GLT8D1: variants seen among roughly 807,000 people sequenced by gnomAD.
The protein encoded by GLT8D1 is glycosyltransferase 8 domain-containing protein 1.
A neutral mutation model predicts 46.2 loss-of-function variants in GLT8D1; 41 were observed. The ratio of observed to expected loss-of-function variants is 0.89; its 90% CI spans 0.69 to 1.15. The LOEUF is 1.15. GLT8D1 is among the 50% of genes most tolerant of loss of function. The pLI is 0.00. For missense variants in GLT8D1, 408 were observed against 449.3 expected (o/e 0.91, Z 0.83); for synonymous variants, 150 against 154.2 (o/e 0.97, Z 0.20).
chr3:52,694,922 C>T lies in GLT8D1; in HGVS notation c.1039G>A (p.Glu347Lys). The change falls in exon 10 of 10, where the codon GAA becomes AAA. Residue 347 changes from glutamate (E) to lysine (K), a missense_variant. Transcript: ENST00000266014. ...GTTGGGTCTGGAATATACCATTTTTCCCAAACATCAGTATATGAAGCAGTC... is the reference window on the plus strand; with the variant it reads ...GTTGGGTCTGGAATATACCATTTTTTCCAAACATCAGTATATGAAGCAGTC... ...GRTASYTDVW[E>K]KWYIPDPTGK... 1 of 1,610,582 alleles carries T rather than the reference C, an allele frequency of 6.2e-7. No homozygotes were observed. The highest frequency in any genetic ancestry group is 1.1e-5 in the South Asian group (1 of 91,014).
Position 52,694,761 on chromosome 3 carries a change from T to C in GLT8D1, c.*84A>G. 2.1e-6 allele frequency: 2 copies of C among 950,674 alleles called. No individual in the cohort carries two copies. Among genetic ancestry groups the C allele is most frequent in the Non-Finnish European group, 3.4e-6 (2 of 584,630 alleles). The allele number at this position is 950,674 out of a possible 1,614,324, so 58.9% of individuals were successfully genotyped here. On this transcript the variant is annotated 3_prime_UTR_variant, in exon 10 of 10. Transcript: ENST00000266014. Reference sequence around the variant, plus strand: ...TTCCATGGCTTGCTACCGATAGGCATTGAAGCCTAGCAACTGTTACTTCCC... The same window carrying C: ...TTCCATGGCTTGCTACCGATAGGCACTGAAGCCTAGCAACTGTTACTTCCC...
At chr3:52,695,631 A>AATAG (rs767512388) in intron 7 of GLT8D1, 44 bp from the exon 8 acceptor site, 21 of 1,139,312 alleles carry the variant, frequency 1.8e-5, no homozygotes, top group South Asian at 1.4e-4. Context: ...CTTCAAACAA[A>AATAG]ATAGATACAA....
chr3:52,695,606 T>C lies in GLT8D1; in HGVS notation c.646-19A>G. The C allele has an allele frequency of 6.9e-7, 1 of 1,442,870 alleles. No individual in the cohort carries two copies. Among genetic ancestry groups the C allele is most frequent in the South Asian group, 1.2e-5 (1 of 86,412 alleles). The allele number at this position is 1,442,870 out of a possible 1,614,324, so 89.4% of individuals were successfully genotyped here. A position where few individuals can be genotyped will look rare whatever the true frequency, so the allele number is the denominator to read the frequency against. ...AATTGTACTAAAAACACAAATAGGA[T>C]ATATGTACTTACTGCTTCAAACAAA... On this transcript the variant is annotated intron_variant, in intron 7 of 9. Coordinates refer to ENST00000266014, the MANE Select transcript of GLT8D1 (RefSeq NM_018446.4).
chr3:52,705,189 A>G (rs1578597780), intron 1 of GLT8D1: 1 of 151,994 alleles, frequency 6.6e-6, no homozygotes, highest in Non-Finnish European at 1.5e-5. Context: ...ATTTAGAGAT[A>G]CACCAGCCTT....
At chr3:52,696,186 G>A (rs2097333271) in intron 6 of GLT8D1, 48 bp downstream of exon 6, 1 of 1,316,530 alleles carries the variant, frequency 7.6e-7, no homozygotes. Context: ...TTTAGCAATT[G>A]TACCCAATCT....
At position 52,694,558 on chromosome 3, in the gene GLT8D1, A is replaced by AATT. The variant is rs2097330862; in HGVS notation, c.*284_*286dup. ...AAAATTAAAACCAACAGCAGTTTTG[A>AATT]ATTATCTGTACCAGCTAGCTGAACT... is the stretch of plus-strand genomic sequence containing the variant. On this transcript the variant is annotated 3_prime_UTR_variant, in exon 10 of 10. Coordinates refer to ENST00000266014, the MANE Select transcript of GLT8D1 (RefSeq NM_018446.4). 1.7e-6 allele frequency: 1 copy of AATT among 583,896 alleles called. No homozygotes were observed. The highest frequency in any genetic ancestry group is 1.9e-5 in the African/African-American group (1 of 53,636). The allele number at this position is 583,896 out of a possible 1,614,324, so 36.2% of individuals were successfully genotyped here. A position where few individuals can be genotyped will look rare whatever the true frequency, so the allele number is the denominator to read the frequency against.
intron 4 of GLT8D1, 152 bp downstream of exon 4, chr3:52,697,569 C>A: frequency 3.0e-6 from 2 of 656,330 alleles, no homozygotes; most frequent in Non-Finnish European, 5.5e-6. Flanking sequence ...ATAATACAGT[C>A]CTAAAAAAAA....
Position 52,694,838 on chromosome 3 carries a change from TTC to T in GLT8D1, c.*5_*6del, listed in dbSNP as rs1199872893. The T allele has an allele frequency of 3.1e-6, 5 of 1,595,878 alleles. No individual in the cohort carries two copies. Among genetic ancestry groups the T allele is most frequent in the Non-Finnish European group, 4.3e-6 (5 of 1,163,404 alleles). On this transcript the variant is annotated 3_prime_UTR_variant, in exon 10 of 10. Coordinates refer to ENST00000266014, the MANE Select transcript of GLT8D1 (RefSeq NM_018446.4). The stretch of plus-strand genomic sequence containing the variant: ...GAGAAATGCTTGCTTACAGTTCAAA[TTC>T]TGTTTCACTTTATGTTTGAGATCTC...
chr3:52,698,719 A>G (rs957646628), intron 3 of GLT8D1, among the ~76,000 whole-genome samples: 2 of 151,882 alleles, frequency 1.3e-5, no homozygotes, highest in Non-Finnish European at 2.9e-5. Flanking sequence ...AATACCAAAG[A>G]AAACATAGTG....
rs1247869071 is a variant in GLT8D1 at position 52,694,924 on chromosome 3, C to CAA, written c.1035_1036dup (p.Trp346PhefsTer16). ...TGGGTCTGGAATATACCATTTTTCCCAAACATCAGTATATGAAGCAGTCCT... is the reference window on the plus strand; with the variant it reads ...TGGGTCTGGAATATACCATTTTTCCCAAAAACATCAGTATATGAAGCAGTCCT... On this transcript the variant is annotated frameshift_variant, in exon 10 of 10. Transcript: ENST00000266014. LOFTEE classifies it high-confidence loss of function. 6.2e-7 allele frequency: 1 copy of CAA among 1,610,486 alleles called. No individual in the cohort carries two copies. Among genetic ancestry groups the CAA allele is most frequent in the Admixed American group, 1.7e-5 (1 of 60,008 alleles).
rs550079847 is a variant in GLT8D1 at position 52,697,593 on chromosome 3, C to T, written c.329+128G>A. 1.4e-5 allele frequency: 10 copies of T among 719,680 alleles called. No homozygotes were observed. The African/African-American group carries it at 1.7e-4, about 13-fold the overall frequency. The allele number at this position is 719,680 out of a possible 1,614,324, so 44.6% of individuals were successfully genotyped here. A position where few individuals can be genotyped will look rare whatever the true frequency, so the allele number is the denominator to read the frequency against. ...TCCTAAAAAAAATATGTCATTTGTA[C>T]AGTTTATCACTGGTACAATTTCAAT... On this transcript the variant is annotated intron_variant, in intron 4 of 9. Coordinates refer to ENST00000266014, the MANE Select transcript of GLT8D1 (RefSeq NM_018446.4).
chr3:52,696,463 T>TG (rs1476323926), intron 5 of GLT8D1, 79 bp downstream of exon 5: 7 of 1,007,486 alleles, frequency 6.9e-6, no homozygotes, highest in Non-Finnish European at 9.5e-6. Flanking sequence ...GGAAACTACT[T>TG]GCACTATACC....
In GLT8D1 at chr3:52,700,479, A is replaced by G. The variant is rs1160626488; in HGVS notation, c.-19T>C. 1 of 1,571,366 alleles carries G rather than the reference A, an allele frequency of 6.4e-7. No homozygotes were observed. The highest frequency in any genetic ancestry group is 1.7e-5 in the Admixed American group (1 of 58,602). ...ATGACATCTTTTTCTTCTGTCATAT[A>G]AATATTAGTTTTTAACCCTACAAAA... On this transcript the variant is annotated 5_prime_UTR_variant, in exon 2 of 10. Transcript: ENST00000266014.
chr3:52,698,230 CTG>C (rs2097335919), intron 3 of GLT8D1, among the ~76,000 whole-genome samples: 1 of 152,150 alleles, frequency 6.6e-6, no homozygotes, highest in African/African-American at 2.4e-5. Flanking sequence ...AGGACAAAAT[CTG>C]AAATATAATC....
intron 6 of GLT8D1, 50 bp from the exon 7 acceptor site, chr3:52,696,090 C>A (rs2097333147): frequency 4.0e-6 from 5 of 1,250,612 alleles, no homozygotes; most frequent in South Asian, 1.2e-5. Context: ...CTTGAGAGTT[C>A]CCTGTTACTC....
chr3:52,696,094 G>T, intron 6 of GLT8D1, 54 bp from the exon 7 acceptor site: 1 of 1,255,176 alleles, frequency 8.0e-7, no homozygotes, highest in Non-Finnish European at 1.2e-6. Context: ...AGAGTTCCCT[G>T]TTACTCCCAC....
intron 1 of GLT8D1, among the ~76,000 whole-genome samples, chr3:52,704,445 C>A (rs1361038009): frequency 1.7e-5 from 2 of 118,610 alleles, no homozygotes; most frequent in African/African-American, 3.4e-5. Flanking sequence ...GGCAACAGAG[C>A]GAGTCTTCGC....
chr3:52,698,238 T>C (rs1561265804), intron 3 of GLT8D1, among the ~76,000 whole-genome samples: 1 of 152,220 alleles, frequency 6.6e-6, no homozygotes, highest in African/African-American at 2.4e-5. Context: ...ATCTGAAATA[T>C]AATCAAAAGA....
At position 52,697,887 on chromosome 3, in the gene GLT8D1, G is replaced by C. The variant is rs776663860; in HGVS notation, c.163C>G (p.Leu55Val). The C allele has an allele frequency of 1.7e-5, 27 of 1,613,628 alleles. No homozygotes were observed. The Admixed American group carries it at 2.5e-4, about 15-fold the overall frequency. Residue 55 changes from leucine to valine, a missense_variant, in exon 4 of 10, where the codon CTC (leucine) becomes GTC (valine). Transcript: ENST00000266014. The part of the protein sequence containing the change: ...PQPIDFVPNA[L>V]RHAVDGRQEE... The stretch of plus-strand genomic sequence containing the variant: ...TGTCTCCCATCTACTGCATGTCGGA[G>C]AGCATTTGGGACAAAGTCTATAGGT...
Sources: allele counts gnomAD v4.1 joint callset (sites outside exome capture counted in the v4.1 genomes callset), GRCh38; gene constraint gnomAD v4.1.1; transcripts MANE v1.5; gene names NCBI Gene and HGNC (gene_info 2026-07-23, HGNC 2026-07-21).